MAST2: variants seen among roughly 807,000 people sequenced by gnomAD.
The protein encoded by MAST2 is microtubule associated serine/threonine kinase 2.
In MAST2, 70 loss-of-function variants were observed where a neutral mutation model predicts 147.4. The observed-to-expected ratio is 0.47, with a 90% CI of 0.39 to 0.58. The LOEUF is 0.58. Ranked by LOEUF, MAST2 falls within the 20% of genes least tolerant of loss-of-function variation. The probability of loss-of-function intolerance (pLI) is 0.00; values close to 1 mark genes in which losing one functional copy is unlikely to be tolerated. For missense variants in MAST2, 2,080 were observed against 2,302.3 expected (o/e 0.90, Z 1.98); for synonymous variants, 869 against 896.8 (o/e 0.97, Z 0.55).
chr1:46,023,084 C>G lies in MAST2; in HGVS notation c.1485+113C>G. 8.2e-7 allele frequency: 1 copy of G among 1,224,910 alleles called. No homozygotes were observed. The highest frequency in any genetic ancestry group is 1.2e-6 in the Non-Finnish European group (1 of 833,260). The allele number at this position is 1,224,910 out of a possible 1,614,324, so 75.9% of individuals were successfully genotyped here. A position where few individuals can be genotyped will look rare whatever the true frequency, so the allele number is the denominator to read the frequency against. ...GAAGGGATGGGGGAGTTGGTGACAG[C>G]AAACACTGAGAAGTCATTCTACTCC... On this transcript the variant is annotated intron_variant, in intron 13 of 28. Transcript: ENST00000361297. The surrounding 1 kb of genome is among the most constrained non-coding windows in gnomAD (Gnocchi z 4.9).
At chr1:45,919,207 A>G (rs1352299695) in intron 4 of MAST2, among the ~76,000 whole-genome samples, 1 of 152,158 alleles carries the variant, frequency 6.6e-6, no homozygotes, top group African/African-American at 2.4e-5. Flanking sequence ...ATGATGATTC[A>G]GATAAGAAGT....
At chr1:45,974,864 A>G (rs1470554333) in intron 5 of MAST2, among the ~76,000 whole-genome samples, 2 of 152,230 alleles carry the variant, frequency 1.3e-5, no homozygotes, top group African/African-American at 4.8e-5. Flanking sequence ...TACTCCTGAC[A>G]GAAGGCATGA....
At chr1:45,886,546 T>A (rs576231286) in intron 4 of MAST2, among the ~76,000 whole-genome samples, 1 of 152,146 alleles carries the variant, frequency 6.6e-6, no homozygotes, top group Non-Finnish European at 1.5e-5. Flanking sequence ...GAAAGCTATT[T>A]CATATTTAAA....
chr1:45,933,686 G>A (rs888569329), intron 4 of MAST2, among the ~76,000 whole-genome samples: 10 of 151,650 alleles, frequency 6.6e-5, no homozygotes, highest in South Asian at 4.2e-4. Flanking sequence ...CCTGGGAGGC[G>A]GAGGTTGCAG....
Position 46,010,928 on chromosome 1 carries a change from C to T in MAST2, c.1177C>T (p.Leu393Phe). 1 of 1,613,878 alleles carries T rather than the reference C, an allele frequency of 6.2e-7. No homozygotes were observed. The highest frequency in any genetic ancestry group is 8.5e-7 in the Non-Finnish European group (1 of 1,179,802). ...CGAACTTCAAGATAATTTGGAGAAA[C>T]TTTTACAAGATGTGAGTGTCCTTGT... ...FYELQDNLEK[L>F]LQDAHERSES... is the part of the protein sequence containing the mutation. The change falls in exon 10 of 29, where the codon CTT (leucine) becomes TTT (phenylalanine). Residue 393 changes from leucine to phenylalanine, a missense_variant. Around this residue, in one of 4 missense-constraint regions of MAST2, gnomAD observed 569 missense variants for 642.5 expected, o/e 0.89. Transcript: ENST00000361297.
chr1:45,837,883 A>G (rs1457847815), intron 3 of MAST2, among the ~76,000 whole-genome samples: 4 of 152,050 alleles, frequency 2.6e-5, no homozygotes, highest in South Asian at 4.1e-4. Flanking sequence ...GGTTCAAGCC[A>G]TTCTCCTCCC....
intron 2 of MAST2, among the ~76,000 whole-genome samples, chr1:45,828,086 C>T (rs893375453): frequency 3.9e-5 from 6 of 152,158 alleles, no homozygotes; most frequent in Admixed American, 6.5e-5. Flanking sequence ...CTGCTTCGGC[C>T]TCCCAAAATG....
intron 4 of MAST2, among the ~76,000 whole-genome samples, chr1:45,903,181 A>ATGCAGTGGCG (rs1553227708): frequency 8.7e-6 from 1 of 115,406 alleles, no homozygotes; most frequent in Non-Finnish European, 1.6e-5. Flanking sequence ...CCCAGGCTGG[A>ATGCAGTGGCG]TGCAGTGGCG....
chr1:46,029,723 C>A, intron 19 of MAST2, 108 bp from the exon 20 acceptor site: 1 of 1,441,906 alleles, frequency 6.9e-7, no homozygotes, highest in Non-Finnish European at 9.5e-7. Context: ...GATGCTTGAG[C>A]TGATCCCCTA....
chr1:45,942,431 A>T lies in MAST2; in HGVS notation c.501-16955A>T, dbSNP rs78747970. Among the ~76,000 whole-genome samples, 193 of 152,310 alleles carry T rather than the reference A, an allele frequency of 1.3e-3. 2 individuals carry two copies. In the East Asian group the frequency reaches 0.015, roughly 12 times the overall value. On this transcript the variant is annotated intron_variant, in intron 4 of 28. Transcript: ENST00000361297. ...ATAATAGAGTTTTACACTTGGCAACATGTATTCATGTGGGAAAACTCAGTG... is the reference window on the plus strand; with the variant it reads ...ATAATAGAGTTTTACACTTGGCAACTTGTATTCATGTGGGAAAACTCAGTG...
chr1:46,032,342 C>T lies in MAST2; in HGVS notation c.3352C>T (p.Leu1118=). The change falls in exon 25 of 29, where the codon CTG becomes TTG. Residue 1118 remains leucine (L), a synonymous_variant. Transcript: ENST00000361297. ...AGCTGGCAAGAAGTATGGCTTCACC[C>T]TGCGGGCCATTCGCGTCTACATGGG... ...HRAGKKYGFT[L]RAIRVYMGDS... is the part of the protein sequence containing the mutation. 3 of 1,614,256 alleles carry T rather than the reference C, an allele frequency of 1.9e-6. No individual in the cohort carries two copies. The highest frequency in any genetic ancestry group is 2.5e-6 in the Non-Finnish European group (3 of 1,180,054).
At chr1:46,025,325 A>C (rs1264773942) in intron 15 of MAST2, among the ~76,000 whole-genome samples, 2 of 152,066 alleles carry the variant, frequency 1.3e-5, no homozygotes, top group African/African-American at 4.8e-5. Context: ...CCTCAAAAAA[A>C]TAAATAAATA....
intron 4 of MAST2, among the ~76,000 whole-genome samples, chr1:45,941,666 TCC>T (rs761590594): frequency 6.8e-6 from 1 of 146,870 alleles, no homozygotes; most frequent in Non-Finnish European, 1.5e-5. Flanking sequence ...ATTTGTTTAT[TCC>T]TATTTGTTTT....
At chr1:45,841,148 C>G (rs1273854443) in intron 3 of MAST2, among the ~76,000 whole-genome samples, 1 of 151,856 alleles carries the variant, frequency 6.6e-6, no homozygotes. Flanking sequence ...GGGGTGGGGG[C>G]TCCCTGTGCT....
intron 26 of MAST2, among the ~76,000 whole-genome samples, 183 bp downstream of exon 26, chr1:46,032,901 C>T (rs1189549224): frequency 6.6e-6 from 1 of 150,542 alleles, no homozygotes; most frequent in East Asian, 2.0e-4. Flanking sequence ...GAGGCTGAGG[C>T]AGGTGGATCA....
chr1:45,860,663 C>T (rs1295486295), intron 3 of MAST2, among the ~76,000 whole-genome samples: 2 of 152,010 alleles, frequency 1.3e-5, no homozygotes, highest in African/African-American at 4.8e-5. Context: ...GAAACCCCAT[C>T]TCTACTAAAA....
intron 4 of MAST2, among the ~76,000 whole-genome samples, chr1:45,894,436 G>GT (rs1336775645): frequency 2.6e-5 from 4 of 151,848 alleles, no homozygotes; most frequent in Admixed American, 6.6e-5. Context: ...AATAACTGTA[G>GT]TTTTTTTTAT....
chr1:45,906,908 T>C (rs1650845256), intron 4 of MAST2, among the ~76,000 whole-genome samples: 1 of 152,066 alleles, frequency 6.6e-6, no homozygotes, highest in African/African-American at 2.4e-5. Flanking sequence ...CATGTATTTT[T>C]ACTGTACCTT....
intron 4 of MAST2, among the ~76,000 whole-genome samples, chr1:45,958,771 G>A (rs1348517599): frequency 6.6e-6 from 1 of 152,074 alleles, no homozygotes; most frequent in Non-Finnish European, 1.5e-5. Context: ...CAAATAAATT[G>A]ATATAGACTT....
Sources: allele counts gnomAD v4.1 joint callset (sites outside exome capture counted in the v4.1 genomes callset), GRCh38; gene constraint gnomAD v4.1.1; regional missense constraint gnomAD v4.1.1; non-coding constraint Gnocchi (gnomAD v3.1); transcripts MANE v1.5; gene names NCBI Gene and HGNC (gene_info 2026-07-23, HGNC 2026-07-21).